The following LGR5 variants were observed in gnomAD, a reference collection of about 807,000 sequenced individuals.
The protein encoded by LGR5 is leucine rich repeat containing G protein-coupled receptor 5, also known as leucine-rich repeat-containing G protein-coupled receptor 5.
LGR5 carries 54 observed loss-of-function variants against 76.7 expected under a neutral mutation model. That is an observed-to-expected ratio of 0.70 (90% CI 0.57 to 0.88). The LOEUF (loss-of-function observed/expected upper bound fraction) is 0.88, where lower values mean the gene tolerates loss of function less well. Ranked by LOEUF, LGR5 falls within the 40% of genes least tolerant of loss-of-function variation. LGR5 has a pLI of 0.00. For missense variants in LGR5, 1,078 were observed against 1,073.3 expected, an observed-to-expected ratio of 1.00 and a Z score of -0.06; for synonymous variants, 406 against 421.9, an observed-to-expected ratio of 0.96 and a Z score of 0.46.
chr12:71,577,544 C>T (rs1413807450), intron 13 of LGR5, among the ~76,000 whole-genome samples: 1 of 152,152 alleles, frequency 6.6e-6, no homozygotes, highest in African/African-American at 2.4e-5. Context: ...TATCCAAGGA[C>T]ATTTTATAAT....
intron 1 of LGR5, chr12:71,441,446 G>C (rs1408695952): frequency 1.3e-5 from 2 of 152,252 alleles, no homozygotes; most frequent in East Asian, 1.9e-4. Flanking sequence ...TGCAGTCCCA[G>C]TTTTCGGCTT....
intron 11 of LGR5, among the ~76,000 whole-genome samples, chr12:71,568,842 C>T (rs1878470679): frequency 1.3e-5 from 2 of 152,156 alleles, no homozygotes; most frequent in African/African-American, 4.8e-5. Flanking sequence ...CTGTACATGA[C>T]TAGTTTTGCG....
intron 5 of LGR5, among the ~76,000 whole-genome samples, chr12:71,556,218 G>A (rs1253052732): frequency 6.6e-6 from 1 of 151,824 alleles, no homozygotes; most frequent in African/African-American, 2.4e-5. Context: ...TAACTAATGG[G>A]TACTAGGCTT....
At chr12:71,451,338 G>A (rs1872243027) in intron 1 of LGR5, among the ~76,000 whole-genome samples, 1 of 152,178 alleles carries the variant, frequency 6.6e-6, no homozygotes, top group Non-Finnish European at 1.5e-5. Flanking sequence ...TACAATGTAT[G>A]GAGGAACTTT....
Position 71,559,633 on chromosome 12 carries a change from C to T in LGR5, c.764C>T (p.Thr255Ile), listed in dbSNP as rs1479240984. The part of the protein sequence containing the change: ...NLDEFPTAIR[T>I]LSNLKELGFH... Reference sequence around the variant, plus strand: ...GATGAATTCCCCACTGCAATTAGGACACTCTCCAACCTTAAAGAACTGTAA... The same window carrying T: ...GATGAATTCCCCACTGCAATTAGGATACTCTCCAACCTTAAAGAACTGTAA... The change falls in exon 7 of 18, where the codon ACA (threonine) becomes ATA (isoleucine). Residue 255 changes from threonine to isoleucine, a missense_variant. By Grantham distance (89) the Thr-to-Ile change is moderately conservative. Coordinates refer to ENST00000266674, the MANE Select transcript of LGR5 (RefSeq NM_003667.4). The T allele has an allele frequency of 2.3e-5, 36 of 1,560,052 alleles. No homozygotes were observed. The highest frequency in any genetic ancestry group is 3.0e-5 in the Non-Finnish European group (34 of 1,131,498).
intron 1 of LGR5, among the ~76,000 whole-genome samples, chr12:71,450,550 T>C (rs1872205461): frequency 6.6e-6 from 1 of 152,178 alleles, no homozygotes; most frequent in Non-Finnish European, 1.5e-5. Context: ...CCTCAAGTAA[T>C]TATCCACCTC....
chr12:71,487,369 A>G (rs930335416), intron 1 of LGR5, among the ~76,000 whole-genome samples: 1 of 152,152 alleles, frequency 6.6e-6, no homozygotes, highest in African/African-American at 2.4e-5. Flanking sequence ...GGGGAATTTC[A>G]TTTGTCTTCA....
intron 13 of LGR5, among the ~76,000 whole-genome samples, chr12:71,575,218 AAAC>A (rs1418541542): frequency 1.3e-5 from 2 of 152,182 alleles, no homozygotes; most frequent in Non-Finnish European, 2.9e-5. Context: ...AACCTGTAAA[AAAC>A]AAAACAAAAC....
At chr12:71,522,017 G>A (rs1875749179) in intron 2 of LGR5, among the ~76,000 whole-genome samples, 1 of 152,170 alleles carries the variant, frequency 6.6e-6, no homozygotes, top group Admixed American at 6.5e-5. Flanking sequence ...TGGTAGCACT[G>A]AGGTTGCTTT....
At chr12:71,539,500 T>G (rs1876767474) in intron 4 of LGR5, among the ~76,000 whole-genome samples, 1 of 152,190 alleles carries the variant, frequency 6.6e-6, no homozygotes, top group African/African-American at 2.4e-5. Flanking sequence ...TTTTTTGAGT[T>G]GGAGTCTCAC....
At chr12:71,522,167 A>G (rs1252378852) in intron 2 of LGR5, among the ~76,000 whole-genome samples, 2 of 152,218 alleles carry the variant, frequency 1.3e-5, no homozygotes, top group African/African-American at 2.4e-5. Flanking sequence ...AATTCTCGGA[A>G]AAGAGTCTGA....
At chr12:71,578,952 T>C in intron 15 of LGR5, 23 bp downstream of exon 15, 1 of 1,586,236 alleles carries the variant, frequency 6.3e-7, no homozygotes, top group African/African-American at 1.4e-5. Context: ...TTAAAACTAA[T>C]AAGATACATT....
intron 1 of LGR5, among the ~76,000 whole-genome samples, chr12:71,443,241 C>T (rs889886476): frequency 5.3e-5 from 8 of 152,236 alleles, no homozygotes; most frequent in Non-Finnish European, 1.5e-5. Context: ...AAGTTTCCTA[C>T]ATCTCTTCAC....
chr12:71,566,980 A>G, intron 11 of LGR5, 68 bp downstream of exon 11: 1 of 1,162,700 alleles, frequency 8.6e-7, no homozygotes, highest in Non-Finnish European at 1.3e-6. Flanking sequence ...AATGGCAGAC[A>G]TGATTTCAAT....
At chr12:71,553,406 C>A in intron 5 of LGR5, 118 bp downstream of exon 5, 1 of 764,828 alleles carries the variant, frequency 1.3e-6, no homozygotes, top group Non-Finnish European at 2.2e-6. Flanking sequence ...GGAAAACCTC[C>A]TGAGCCCCTC....
chr12:71,487,363 A>G (rs1873874196), intron 1 of LGR5, among the ~76,000 whole-genome samples: 2 of 152,180 alleles, frequency 1.3e-5, no homozygotes, highest in African/African-American at 4.8e-5. Context: ...ACCATGGGGG[A>G]ATTTCATTTG....
At chr12:71,497,355 A>G (rs1874377972) in intron 1 of LGR5, among the ~76,000 whole-genome samples, 1 of 136,508 alleles carries the variant, frequency 7.3e-6, no homozygotes, top group Non-Finnish European at 1.7e-5. Flanking sequence ...GAAGGAAGGA[A>G]GAAAGGAAGG....
Position 71,440,042 on chromosome 12 carries a change from C to G in LGR5, c.-39C>G, listed in dbSNP as rs201521164. 9.5e-4 allele frequency: 1,516 copies of G among 1,587,890 alleles called. 13 individuals are homozygous for G. The African/African-American group carries it at 0.017, about 18-fold the overall frequency. ...GCCCGTAGCAGTCCGGTGCTGCTCT[C>G]CGCCCGCGTCCGGCTCGTGGCCCCC... On this transcript the variant is annotated 5_prime_UTR_variant, in exon 1 of 18. Transcript: ENST00000266674. This position sits in a 1 kb window ranked among gnomAD's most constrained non-coding sequence, Gnocchi z 5.3.
rs924273461 is a variant in LGR5 at position 71,507,102 on chromosome 12, A to G, written c.284+2417A>G. 9.8e-5 allele frequency among the ~76,000 whole-genome samples: 15 copies of G among 152,356 alleles called. 1 individual carries two copies. Among genetic ancestry groups the G allele is most frequent in the African/African-American group, 3.1e-4 (13 of 41,584 alleles). On this transcript the variant is annotated intron_variant, in intron 2 of 17. Transcript: ENST00000266674. Reference sequence around the variant, plus strand: ...TTTACACACATCATTTCAGTGAATTATAACAACCCCAAAAAGATAGATATT... The same window carrying G: ...TTTACACACATCATTTCAGTGAATTGTAACAACCCCAAAAAGATAGATATT...
Sources: gnomAD v4.1 joint callset for allele counts (sites outside exome capture counted in the v4.1 genomes callset) on GRCh38, gnomAD v4.1.1 for gene constraint, Gnocchi (gnomAD v3.1) non-coding constraint, MANE v1.5 for transcripts, NCBI Gene and HGNC (gene_info 2026-07-23, HGNC 2026-07-21) for gene names.